Variants in PPP6R2 observed in about 807,000 individuals in gnomAD.
The protein encoded by PPP6R2 is protein phosphatase 6 regulatory subunit 2.
Under a neutral mutation model 100.2 loss-of-function variants are expected in PPP6R2, and 62 were observed. The observed-to-expected ratio is 0.62, with a 90% CI of 0.50 to 0.76. The LOEUF (loss-of-function observed/expected upper bound fraction) is 0.76. PPP6R2 is among the 30% of genes least tolerant of loss of function. The pLI, the probability that PPP6R2 is intolerant of heterozygous loss-of-function variation, is 0.00. For missense variants in PPP6R2, 1,142 were observed against 1,276.3 expected (o/e 0.89, Z 1.60); for synonymous variants, 525 against 514.7 (o/e 1.02, Z -0.27).
intron 2 of PPP6R2, among the ~76,000 whole-genome samples, chr22:50,389,584 C>T (rs1395024206): frequency 1.4e-5 from 2 of 147,004 alleles, no homozygotes; most frequent in African/African-American, 2.5e-5. Flanking sequence ...GATGGAGTCT[C>T]GCGCTGTCGC....
chr22:50,437,924 G>A (rs1418680876), intron 17 of PPP6R2, 24 bp downstream of exon 17: 1 of 1,561,230 alleles, frequency 6.4e-7, no homozygotes, highest in Non-Finnish European at 8.7e-7. Flanking sequence ...GCTGTGTGGG[G>A]TGCCGCCACC....
At chr22:50,342,115 C>T (rs2042469605), upstream of PPP6R2, among the ~76,000 whole-genome samples, 1 of 152,222 alleles carries the variant, frequency 6.6e-6, no homozygotes, top group Non-Finnish European at 1.5e-5. Flanking sequence ...TCTCCTGCAT[C>T]TGGTGCCCCT....
chr22:50,418,623 T>C (rs1002924178), intron 6 of PPP6R2, among the ~76,000 whole-genome samples: 3 of 151,966 alleles, frequency 2.0e-5, no homozygotes, highest in African/African-American at 7.3e-5. Context: ...CCTGACCTGA[T>C]GATCTGCCTG....
chr22:50,440,117 C>G (rs118129949), intron 21 of PPP6R2, 68 bp downstream of exon 21: 28,003 of 1,412,704 alleles, frequency 0.02, 356 homozygotes, highest in East Asian at 0.059. Flanking sequence ...GCTGGCCCCC[C>G]TCCTTGGGGG....
At chr22:50,407,776 G>A (rs1485505726) in intron 4 of PPP6R2, among the ~76,000 whole-genome samples, 1 of 152,168 alleles carries the variant, frequency 6.6e-6, no homozygotes, top group Non-Finnish European at 1.5e-5. Flanking sequence ...AGTCCGCCTT[G>A]GCCAGTCTTC....
intron 4 of PPP6R2, chr22:50,407,344 C>CAA (rs67860864): frequency 9.5e-5 from 15 of 158,254 alleles, no homozygotes; most frequent in East Asian, 3.8e-4. Context: ...GAGACTGTCT[C>CAA]AAAAAAAAGA....
At chr22:50,430,105 T>C (rs1052864964) in intron 10 of PPP6R2, among the ~76,000 whole-genome samples, 4 of 152,194 alleles carry the variant, frequency 2.6e-5, no homozygotes, top group Admixed American at 1.3e-4. Flanking sequence ...GAGACGGCAG[T>C]GGGGGGCGAG....
At chr22:50,420,553 T>G (rs912138104) in intron 8 of PPP6R2, among the ~76,000 whole-genome samples, 2 of 152,204 alleles carry the variant, frequency 1.3e-5, no homozygotes, top group African/African-American at 4.8e-5. Flanking sequence ...TGAAACTGTT[T>G]CTCTGGATCA....
At chr22:50,391,216 GA>G (rs1463678254) in intron 2 of PPP6R2, among the ~76,000 whole-genome samples, 2 of 151,544 alleles carry the variant, frequency 1.3e-5, no homozygotes, top group African/African-American at 4.8e-5. Flanking sequence ...GGCGGATCAC[GA>G]GGTCAGGAGT....
At chr22:50,376,944 G>A (rs909722503) in intron 2 of PPP6R2, among the ~76,000 whole-genome samples, 4 of 151,896 alleles carry the variant, frequency 2.6e-5, no homozygotes, top group Non-Finnish European at 4.4e-5. Context: ...GGAGAATGGC[G>A]TGAACCCAGG....
At chr22:50,375,831 G>GGTTTTTTTTTT (rs2051379577) in intron 2 of PPP6R2, among the ~76,000 whole-genome samples, 1 of 64,566 alleles carries the variant, frequency 1.5e-5, no homozygotes, top group Non-Finnish European at 2.8e-5. Flanking sequence ...AATCCCTGCA[G>GGTTTTTTTTTT]ATTTTTTTTT....
chr22:50,421,086 T>TTC (rs138807034), intron 8 of PPP6R2, among the ~76,000 whole-genome samples: 3,191 of 149,566 alleles, frequency 0.021, 50 homozygotes, highest in African/African-American at 0.033. Flanking sequence ...AGGACTCTCT[T>TTC]TCTCTCTCTC....
intron 1 of PPP6R2, among the ~76,000 whole-genome samples, chr22:50,363,400 T>TA (rs1299398067): frequency 2.6e-5 from 4 of 152,250 alleles, no homozygotes; most frequent in African/African-American, 7.2e-5. Flanking sequence ...ACTTCAGAAT[T>TA]ATAGTGCTCT....
At chr22:50,428,443 G>C (rs541972506) in intron 10 of PPP6R2, among the ~76,000 whole-genome samples, 1 of 152,268 alleles carries the variant, frequency 6.6e-6, no homozygotes, top group Admixed American at 6.5e-5. Context: ...AGGTGTGGTG[G>C]CTCATGTTTG....
Position 50,437,503 on chromosome 22 carries a change from C to T in PPP6R2, c.1684-3C>T, listed in dbSNP as rs2064611392. The T allele has an allele frequency of 2.0e-6, 3 of 1,535,840 alleles. No individual in the cohort carries two copies. Among genetic ancestry groups the T allele is most frequent in the East Asian group, 2.2e-5 (1 of 44,460 alleles). On this transcript the variant is annotated splice_region_variant and splice_polypyrimidine_tract_variant and intron_variant, in intron 15 of 23. Transcript: ENST00000612753. ...CGTCCCTCCCTCCCTCCCTCCCTCC[C>T]AGGCCTTCTCTGACTACCAGATCCA...
intron 1 of PPP6R2, among the ~76,000 whole-genome samples, chr22:50,360,718 G>C (rs1162745749): frequency 1.3e-5 from 2 of 152,166 alleles, no homozygotes; most frequent in African/African-American, 4.8e-5. Flanking sequence ...GAAGCTGGCA[G>C]TTAGCTACAC....
At chr22:50,427,441 TC>T (rs1418059757) in intron 10 of PPP6R2, among the ~76,000 whole-genome samples, 3 of 152,222 alleles carry the variant, frequency 2.0e-5, no homozygotes, top group Non-Finnish European at 2.9e-5. Flanking sequence ...AAATTGCTGT[TC>T]AGATTTTGGT....
At chr22:50,370,762 T>C (rs905490960) in intron 1 of PPP6R2, among the ~76,000 whole-genome samples, 4 of 150,706 alleles carry the variant, frequency 2.7e-5, no homozygotes, top group South Asian at 2.1e-4. Flanking sequence ...GCCTCCCGAG[T>C]AGCTGGGATT....
intron 12 of PPP6R2, 60 bp from the exon 13 acceptor site, chr22:50,434,906 G>A: frequency 6.7e-7 from 1 of 1,482,670 alleles, no homozygotes; most frequent in Non-Finnish European, 9.1e-7. Flanking sequence ...GGCTCTCTGG[G>A]TCGTGGGTCT....
Sources: gnomAD v4.1 joint callset for allele counts (sites outside exome capture counted in the v4.1 genomes callset) on GRCh38, gnomAD v4.1.1 for gene constraint, MANE v1.5 for transcripts, NCBI Gene and HGNC (gene_info 2026-07-23, HGNC 2026-07-21) for gene names.